ZNF765: variants seen among roughly 807,000 people sequenced by gnomAD.
ZNF765 encodes zinc finger protein 765.
A neutral mutation model predicts 44.7 loss-of-function variants in ZNF765; 37 were observed. That is an observed-to-expected ratio of 0.83 (90% confidence interval 0.64 to 1.09). ZNF765 has a LOEUF of 1.09. ZNF765 is among the 50% of genes least tolerant of loss of function. The pLI, the probability that ZNF765 is intolerant of heterozygous loss-of-function variation, is 0.00. For missense variants in ZNF765, 594 were observed against 626.1 expected (o/e 0.95, Z 0.55); for synonymous variants, 201 against 213.7 (o/e 0.94, Z 0.52).
chr19:53,412,859 G>A (rs10403378), downstream of ZNF765, among the ~76,000 whole-genome samples: 7,490 of 152,112 alleles, frequency 0.049, 402 homozygotes, highest in African/African-American at 0.14. Context: ...TGTTTGTGCC[G>A]CAATGAAGAG....
intron 3 of ZNF765, among the ~76,000 whole-genome samples, chr19:53,407,433 A>G (rs1187805165): frequency 6.6e-6 from 1 of 152,174 alleles, no homozygotes; most frequent in Non-Finnish European, 1.5e-5. Flanking sequence ...ACGATGGAAA[A>G]ATATTCCTTA....
Position 53,408,550 on chromosome 19 carries a change from G to A in ZNF765, c.995G>A (p.Cys332Tyr). 6.2e-7 allele frequency: 1 copy of A among 1,612,024 alleles called. No homozygotes were observed. The highest frequency in any genetic ancestry group is 8.5e-7 in the Non-Finnish European group (1 of 1,178,934). ...GAGAAACCGTACAAGTGTAATGAGT[G>A]TGGCAAGACCTTTAGTCAGAAGTCG... ...TGEKPYKCNECGKTFSQKSYL... is the reference protein window; with the variant it reads ...TGEKPYKCNEYGKTFSQKSYL... Residue 332 changes from cysteine to tyrosine, a missense_variant, in exon 4 of 4, where the codon TGT becomes TAT. Physicochemically the swap from Cys to Tyr is radical, Grantham distance 194. This residue lies in a region of ZNF765 where 567 missense variants were observed against 572.6 expected (regional missense o/e 0.99). Coordinates refer to ENST00000396408, the MANE Select transcript of ZNF765 (RefSeq NM_001040185.3).
In ZNF765 at chr19:53,409,142, C is replaced by A; in HGVS notation, c.*15C>A. 1.3e-6 allele frequency: 2 copies of A among 1,598,874 alleles called. No individual in the cohort carries two copies. Among genetic ancestry groups the A allele is most frequent in the Non-Finnish European group, 1.7e-6 (2 of 1,166,920 alleles). ...TACACGTGTAATGAGTGTGGTAAGACCTTCAATCAGGAGTTAACCCTTACA... is the reference window on the plus strand; with the variant it reads ...TACACGTGTAATGAGTGTGGTAAGAACTTCAATCAGGAGTTAACCCTTACA... On this transcript the variant is annotated 3_prime_UTR_variant, in exon 4 of 4. Coordinates refer to ENST00000396408, the MANE Select transcript of ZNF765 (RefSeq NM_001040185.3).
rs780707311 is a variant in ZNF765, at chr19:53,408,514, T to C, written c.959T>C (p.Ile320Thr). Residue 320 changes from isoleucine (I) to threonine (T), a missense_variant, in exon 4 of 4, where the codon ATT becomes ACT. Transcript: ENST00000396408. ...FKSKLQIHRR[I>T]HTGEKPYKCN... Reference sequence around the variant, plus strand: ...TCAAAGCTTCAAATACATAGGAGAATTCATACTGGAGAGAAACCGTACAAG... The same window carrying C: ...TCAAAGCTTCAAATACATAGGAGAACTCATACTGGAGAGAAACCGTACAAG... The C allele has an allele frequency of 1.9e-6, 3 of 1,610,848 alleles. No individual in the cohort carries two copies. In the East Asian group the frequency reaches 6.7e-5, roughly 36 times the overall value.
At chr19:53,405,909 A>ATATATATT (rs2085769124) in intron 3 of ZNF765, among the ~76,000 whole-genome samples, 1 of 48,788 alleles carries the variant, frequency 2.0e-5, no homozygotes, top group Non-Finnish European at 3.7e-5. Flanking sequence ...CCAACTATAT[A>ATATATATT]TATATATATA....
At chr19:53,419,125 A>AT (rs1040859067) in intron 3 of ZNF765, among the ~76,000 whole-genome samples, 2 of 152,020 alleles carry the variant, frequency 1.3e-5, no homozygotes, top group African/African-American at 2.4e-5. Context: ...AATAATAATG[A>AT]TTTTTTTGGT....
intron 3 of ZNF765, among the ~76,000 whole-genome samples, chr19:53,418,130 C>T (rs568046798): frequency 6.1e-4 from 93 of 152,274 alleles, no homozygotes; most frequent in African/African-American, 2.1e-3. Context: ...TGGCTGGGCA[C>T]GGTGGCTCAC....
Position 53,399,971 on chromosome 19 carries a change from T to C in ZNF765, c.15+1941T>C, listed in dbSNP as rs1600048465. 2.0e-5 allele frequency among the ~76,000 whole-genome samples: 3 copies of C among 152,096 alleles called. No individual in the cohort carries two copies. In the South Asian group the frequency reaches 6.2e-4, roughly 32 times the overall value. On this transcript the variant is annotated intron_variant, in intron 2 of 3. Transcript: ENST00000396408. ...CTGAAATTACAGGGGCCTGCTACCATGCCTTGATAATTTTTGTATTTTTAG... is the reference window on the plus strand; with the variant it reads ...CTGAAATTACAGGGGCCTGCTACCACGCCTTGATAATTTTTGTATTTTTAG...
intron 3 of ZNF765, among the ~76,000 whole-genome samples, chr19:53,406,024 T>C (rs1459331156): frequency 9.6e-5 from 4 of 41,724 alleles, no homozygotes; most frequent in African/African-American, 3.0e-4. Context: ...ACACCGTTAG[T>C]CAATTTTTTT....
intron 1 of ZNF765, among the ~76,000 whole-genome samples, chr19:53,395,505 A>G (rs1469678027): frequency 6.6e-6 from 1 of 152,148 alleles, no homozygotes; most frequent in Non-Finnish European, 1.5e-5. Context: ...CGAGAGGTGA[A>G]TTCCCTCCCT....
At chr19:53,420,639 A>G (rs1038035831) in intron 3 of ZNF765, among the ~76,000 whole-genome samples, 3 of 152,172 alleles carry the variant, frequency 2.0e-5, no homozygotes, top group Non-Finnish European at 4.4e-5. Context: ...CTGCCTTGAA[A>G]TGCTGTTAAT....
chr19:53,401,897 T>C (rs376959071), intron 2 of ZNF765, 168 bp from the exon 3 acceptor site: 24 of 1,551,260 alleles, frequency 1.5e-5, no homozygotes, highest in Non-Finnish European at 1.8e-5. Flanking sequence ...AAAAGAACTT[T>C]AGTAAACACA....
rs2085820076 is a variant in ZNF765 at position 53,410,138 on chromosome 19, A to G, written c.*1011A>G. The G allele has an allele frequency of 6.9e-6, 3 of 434,032 alleles. No homozygotes were observed. Among genetic ancestry groups the G allele is most frequent in the African/African-American group, 2.1e-5 (1 of 48,610 alleles). The allele number at this position is 434,032 out of a possible 1,614,324, so 26.9% of individuals were successfully genotyped here. On this transcript the variant is annotated 3_prime_UTR_variant, in exon 4 of 4. Coordinates refer to ENST00000396408, the MANE Select transcript of ZNF765 (RefSeq NM_001040185.3). The stretch of plus-strand genomic sequence containing the variant: ...GCTTTCAGATTCAAATCAAACCTTG[A>G]TAGTCATAGAATTCATACTAGAGAG...
At position 53,407,967 on chromosome 19, in the gene ZNF765, T is replaced by C. The variant is rs369326534; in HGVS notation, c.412T>C (p.Tyr138His). ...QNYAGNKPVK[Y>H]QLGFSFHSHL... ...TTATGCTGGAAACAAGCCTGTTAAATATCAGCTTGGATTCAGCTTTCATTC... is the reference window on the plus strand; with the variant it reads ...TTATGCTGGAAACAAGCCTGTTAAACATCAGCTTGGATTCAGCTTTCATTC... The change falls in exon 4 of 4, where the codon TAT becomes CAT. Residue 138 changes from tyrosine (Y) to histidine (H), a missense_variant. By Grantham distance (83) the Tyr-to-His change is moderately conservative (BLOSUM62 2). Transcript: ENST00000396408. The C allele has an allele frequency of 1.9e-6, 3 of 1,614,074 alleles. No homozygotes were observed. The highest frequency in any genetic ancestry group is 2.5e-6 in the Non-Finnish European group (3 of 1,180,040).
In ZNF765 at chr19:53,402,209, C is replaced by T; in HGVS notation, c.142+18C>T. Reference sequence around the variant, plus strand: ...CTCCCTGGGTGAGGATGACTTCCCTCCTGGGGATGTGCCCTTGCGTATCTT... The same window carrying T: ...CTCCCTGGGTGAGGATGACTTCCCTTCTGGGGATGTGCCCTTGCGTATCTT... On this transcript the variant is annotated intron_variant, in intron 3 of 3. Transcript: ENST00000396408. The T allele has an allele frequency of 4.3e-6, 7 of 1,610,020 alleles. No homozygotes were observed. The highest frequency in any genetic ancestry group is 5.1e-6 in the Non-Finnish European group (6 of 1,178,976).
downstream of ZNF765, among the ~76,000 whole-genome samples, chr19:53,414,588 T>C (rs1369721895): frequency 2.7e-5 from 4 of 149,130 alleles, no homozygotes; most frequent in African/African-American, 7.4e-5. Context: ...TTATAGACTT[T>C]CTTGCAAATC....
rs1600057543 is a variant in ZNF765 at position 53,408,014 on chromosome 19, A to G, written c.459A>G (p.Ile153Met). ...SFHSHLPELH[I>M]FHTEEKIDNQ... is the part of the protein sequence containing the mutation. The stretch of plus-strand genomic sequence containing the variant: ...ATTCGCATCTGCCTGAACTGCACAT[A>G]TTTCACACTGAAGAGAAAATTGATA... Residue 153 changes from isoleucine (I) to methionine (M), a missense_variant, in exon 4 of 4, where the codon ATA becomes ATG. Physicochemically the swap from Ile to Met is conservative, Grantham distance 10 (BLOSUM62 1). Around this residue, in one of 2 missense-constraint regions of ZNF765, gnomAD observed 567 missense variants for 572.6 expected, o/e 0.99. Transcript: ENST00000396408. 1 of 1,614,092 alleles carries G rather than the reference A, an allele frequency of 6.2e-7. No homozygotes were observed. The highest frequency in any genetic ancestry group is 1.3e-5 in the African/African-American group (1 of 74,942).
At chr19:53,413,993 C>G (rs943693347), downstream of ZNF765, among the ~76,000 whole-genome samples, 1 of 149,974 alleles carries the variant, frequency 6.7e-6, no homozygotes, top group Non-Finnish European at 1.5e-5. Flanking sequence ...CTAATCCCAC[C>G]ACGTTGGGAG....
At chr19:53,402,295 C>T (rs534331658) in intron 3 of ZNF765, 104 bp downstream of exon 3, 49 of 1,499,120 alleles carry the variant, frequency 3.3e-5, no homozygotes, top group South Asian at 5.2e-5. Context: ...CTCGCTCTGT[C>T]GCCCAGGCTG....
Sources: allele counts gnomAD v4.1 joint callset (sites outside exome capture counted in the v4.1 genomes callset), GRCh38; gene constraint gnomAD v4.1.1; regional missense constraint gnomAD v4.1.1; transcripts MANE v1.5; gene names NCBI Gene and HGNC (gene_info 2026-07-23, HGNC 2026-07-21).